The following GFPT2 variants were observed in gnomAD, a reference collection of about 807,000 sequenced individuals.
GFPT2 encodes the protein glutamine--fructose-6-phosphate aminotransferase [isomerizing] 2.
A neutral mutation model predicts 85.6 loss-of-function variants in GFPT2; 62 were observed. The observed-to-expected ratio is 0.72, with a 90% confidence interval of 0.59 to 0.90. The LOEUF is 0.90. GFPT2 is among the 40% of genes least tolerant of loss of function. GFPT2 has a pLI of 0.00. For missense variants in GFPT2, 788 were observed against 893.4 expected (o/e 0.88, Z 1.50); for synonymous variants, 368 against 344.5 (o/e 1.07, Z -0.75).
chr5:180,314,620 C>G (rs1214910129), intron 13 of GFPT2, among the ~76,000 whole-genome samples: 7 of 152,196 alleles, frequency 4.6e-5, no homozygotes, highest in African/African-American at 9.7e-5. Context: ...GTTTGCAGGG[C>G]CACTGCTCTT....
chr5:180,319,077 C>T (rs1581375782), intron 9 of GFPT2, 121 bp from the exon 10 acceptor site: 3 of 786,120 alleles, frequency 3.8e-6, no homozygotes, highest in Non-Finnish European at 6.2e-6. Flanking sequence ...GACAGAGAGA[C>T]CACACTAAAA....
intron 15 of GFPT2, among the ~76,000 whole-genome samples, chr5:180,310,054 C>T (rs1334202891): frequency 1.3e-5 from 2 of 151,388 alleles, no homozygotes; most frequent in South Asian, 4.2e-4. Flanking sequence ...TCATGATCTG[C>T]CTGCCTCGAC....
chr5:180,339,400 A>G (rs1764466339), intron 1 of GFPT2, among the ~76,000 whole-genome samples: 1 of 149,330 alleles, frequency 6.7e-6, no homozygotes, highest in Non-Finnish European at 1.5e-5. Context: ...AAAAAAAAAA[A>G]GCACTACTTT....
chr5:180,350,312 A>G (rs759886335), intron 1 of GFPT2, among the ~76,000 whole-genome samples: 1 of 152,224 alleles, frequency 6.6e-6, no homozygotes, highest in Non-Finnish European at 1.5e-5. Flanking sequence ...CCACCTACTT[A>G]TGTGAAATCT....
At position 180,328,726 on chromosome 5, in the gene GFPT2, C is replaced by G. The variant is rs564945111; in HGVS notation, c.535-388G>C. Among the ~76,000 whole-genome samples, 2 of 152,308 alleles carry G rather than the reference C, an allele frequency of 1.3e-5. No individual in the cohort carries two copies. Among genetic ancestry groups the G allele is most frequent in the South Asian group, 4.1e-4 (2 of 4,824 alleles). On this transcript the variant is annotated intron_variant, in intron 6 of 18. Coordinates refer to ENST00000253778, the MANE Select transcript of GFPT2 (RefSeq NM_005110.4). The surrounding 1 kb of genome is among the most constrained non-coding windows in gnomAD (Gnocchi z 5.4). ...AGCCCCTGTGAAGTGCACTTTAGCT[C>G]AACACACGGTAGGGCCTGGGTTCAA...
chr5:180,349,587 G>A (rs377489260), intron 1 of GFPT2, among the ~76,000 whole-genome samples: 3 of 152,218 alleles, frequency 2.0e-5, no homozygotes, highest in Non-Finnish European at 1.5e-5. Context: ...CAAGGAACGC[G>A]GCAGCCCCAG....
rs1313565662 is a variant in GFPT2, at chr5:180,353,280, CCTCCGTGGGCTCCTCCGTGGG to C, written c.-84_-64del. 2.4e-3 allele frequency: 2,895 copies of C among 1,218,574 alleles called. 62 individuals are homozygous for C. In the African/African-American group the frequency reaches 0.041, roughly 17 times the overall value. 75.5% of individuals were successfully genotyped at this position (1,218,574 alleles called of 1,614,324 possible). ...GTCTGCCCGTTCGGACGCTGGGGCT[CCTCCGTGGGCTCCTCCGTGGG>C]CTCCGTGGGCTCCGTGGGCTCCGCG... is the stretch of plus-strand genomic sequence containing the variant. On this transcript the variant is annotated 5_prime_UTR_variant, in exon 1 of 19. Coordinates refer to ENST00000253778, the MANE Select transcript of GFPT2 (RefSeq NM_005110.4).
chr5:180,349,472 T>C (rs1764669030), intron 1 of GFPT2, among the ~76,000 whole-genome samples: 1 of 152,200 alleles, frequency 6.6e-6, no homozygotes, highest in Non-Finnish European at 1.5e-5. Flanking sequence ...ACTGATGCTA[T>C]ACCATAAAGT....
chr5:180,319,172 A>G (rs1171969449), intron 9 of GFPT2, among the ~76,000 whole-genome samples: 2 of 152,246 alleles, frequency 1.3e-5, no homozygotes, highest in Non-Finnish European at 2.9e-5. Flanking sequence ...AGTCCCAGAC[A>G]TTATATCATT....
chr5:180,301,741 C>T (rs1289407050), intron 18 of GFPT2, 133 bp from the exon 19 acceptor site: 6 of 728,838 alleles, frequency 8.2e-6, no homozygotes, highest in Non-Finnish European at 1.5e-5. Flanking sequence ...AGACCTGCGT[C>T]TTGGAGGCAG....
intron 10 of GFPT2, 57 bp from the exon 11 acceptor site, chr5:180,317,115 T>C (rs1764026340): frequency 1.8e-6 from 2 of 1,099,050 alleles, no homozygotes. Flanking sequence ...TGCTTTTCAT[T>C]ATGCAGCAGC....
At chr5:180,332,246 CG>C (rs915948761) in intron 4 of GFPT2, among the ~76,000 whole-genome samples, 2 of 67,072 alleles carry the variant, frequency 3.0e-5, no homozygotes, top group Non-Finnish European at 7.3e-5. Context: ...GGCGGGGGGG[CG>C]GGGGGAGCAG....
chr5:180,311,373 G>A lies in GFPT2; in HGVS notation c.1546+1057C>T, dbSNP rs1327411506. 2.0e-5 allele frequency among the ~76,000 whole-genome samples: 3 copies of A among 152,344 alleles called. 1 individual carries two copies. The highest frequency in any genetic ancestry group is 4.1e-4 in the South Asian group (2 of 4,826). ...GGGATAGCACATGGGACAGGGCACG[G>A]CACTGGTTCTTAATATATGTGGTGG... On this transcript the variant is annotated intron_variant, in intron 15 of 18. Transcript: ENST00000253778.
At position 180,330,422 on chromosome 5, in the gene GFPT2, A is replaced by G. The variant is rs1764281337; in HGVS notation, c.534+278T>C. Among the ~76,000 whole-genome samples the G allele has an allele frequency of 6.6e-6, 1 of 152,216 alleles. No homozygotes were observed. Among genetic ancestry groups the G allele is most frequent in the South Asian group, 2.1e-4 (1 of 4,828 alleles). On this transcript the variant is annotated intron_variant, in intron 6 of 18. Transcript: ENST00000253778. The surrounding 1 kb of genome is among the most constrained non-coding windows in gnomAD (Gnocchi z 4.4). The stretch of plus-strand genomic sequence containing the variant: ...TGCATCATAAAAAGCCACGGACTCT[A>G]ATGCCAGTCACAATTTCAGAAGTGT...
Position 180,347,356 on chromosome 5 carries a change from G to A in GFPT2, c.7+5855C>T, listed in dbSNP as rs1219997616. On this transcript the variant is annotated intron_variant, in intron 1 of 18. Coordinates refer to ENST00000253778, the MANE Select transcript of GFPT2 (RefSeq NM_005110.4). ...CGGCCTGGGGGCAGAGGCTGCCCTG[G>A]CCCCACCACCCAGTTTGGTCATGTG... 5.3e-5 allele frequency among the ~76,000 whole-genome samples: 8 copies of A among 151,788 alleles called. No homozygotes were observed. In the East Asian group the frequency reaches 1.2e-3, roughly 23 times the overall value.
chr5:180,352,339 GAAAAAA>G (rs34831746), intron 1 of GFPT2: 55 of 345,554 alleles, frequency 1.6e-4, no homozygotes, highest in East Asian at 4.0e-4. Context: ...CCTACTCAAG[GAAAAAA>G]AAAAAAAAAA....
intron 1 of GFPT2, among the ~76,000 whole-genome samples, chr5:180,347,774 C>T (rs1054154216): frequency 3.3e-5 from 5 of 152,100 alleles, no homozygotes; most frequent in African/African-American, 1.2e-4. Flanking sequence ...CACTAGGGCA[C>T]TGAATTCCTG....
At chr5:180,352,103 G>A (rs912710379) in intron 1 of GFPT2, among the ~76,000 whole-genome samples, 81 of 152,274 alleles carry the variant, frequency 5.3e-4, no homozygotes, top group Admixed American at 5.2e-3. Flanking sequence ...TGCCTGTTCA[G>A]CCTGGGTGAG....
At chr5:180,319,250 C>G (rs964921713) in intron 9 of GFPT2, among the ~76,000 whole-genome samples, 2 of 152,196 alleles carry the variant, frequency 1.3e-5, no homozygotes, top group Admixed American at 1.3e-4. Flanking sequence ...ATAATCATAT[C>G]TAAAATGAAT....
Sources: gnomAD v4.1 joint callset for allele counts (sites outside exome capture counted in the v4.1 genomes callset) on GRCh38, gnomAD v4.1.1 for gene constraint, Gnocchi (gnomAD v3.1) non-coding constraint, MANE v1.5 for transcripts, NCBI Gene and HGNC (gene_info 2026-07-23, HGNC 2026-07-21) for gene names.